NSMCE2: variants seen among roughly 807,000 people sequenced by gnomAD.
NSMCE2 encodes the protein E3 SUMO-protein ligase NSE2.
NSMCE2 carries 24 observed loss-of-function variants against 23.8 expected under a neutral mutation model. The observed-to-expected ratio is 1.01, with a 90% CI of 0.73 to 1.42. The LOEUF (loss-of-function observed/expected upper bound fraction) is 1.42, where lower values mean the gene tolerates loss of function less well. NSMCE2 is among the 40% of genes most tolerant of loss of function. The probability of loss-of-function intolerance (pLI) is 0.00; values close to 1 mark genes in which losing one functional copy is unlikely to be tolerated. For synonymous variants in NSMCE2, 92 were observed against 94.1 expected (o/e 0.98, Z 0.13); for missense variants, 284 against 296.5 (o/e 0.96, Z 0.31).
At chr8:125,311,869 G>A (rs558954269) in intron 5 of NSMCE2, among the ~76,000 whole-genome samples, 12 of 152,060 alleles carry the variant, frequency 7.9e-5, no homozygotes, top group Non-Finnish European at 1.2e-4. Context: ...ACCTGAGGTT[G>A]AGAGTTCGAG....
At chr8:125,150,197 G>A (rs1820918976) in intron 3 of NSMCE2, among the ~76,000 whole-genome samples, 1 of 152,082 alleles carries the variant, frequency 6.6e-6, no homozygotes, top group African/African-American at 2.4e-5. Context: ...CAGGCAGCAG[G>A]GAGAGATTAC....
intron 4 of NSMCE2, among the ~76,000 whole-genome samples, chr8:125,178,623 C>T (rs907284189): frequency 2.6e-5 from 4 of 152,170 alleles, no homozygotes; most frequent in African/African-American, 9.7e-5. Flanking sequence ...GTAATCCCAG[C>T]ACTTTGGGAG....
rs529237211 is a variant in NSMCE2 at position 125,118,544 on chromosome 8, A to G, written c.157+16057A>G. Among the ~76,000 whole-genome samples, 6 of 152,306 alleles carry G rather than the reference A, an allele frequency of 3.9e-5. No individual in the cohort carries two copies. In the South Asian group the frequency reaches 1.2e-3, roughly 32 times the overall value. The stretch of plus-strand genomic sequence containing the variant: ...AGTCAGTATTTCCCATTTGGTAGGA[A>G]ATACCACTAGGTGGCACCAGAACAC... On this transcript the variant is annotated intron_variant, in intron 3 of 7. Coordinates refer to ENST00000287437, the MANE Select transcript of NSMCE2 (RefSeq NM_173685.4).
At chr8:125,327,784 C>A (rs575216574) in intron 5 of NSMCE2, among the ~76,000 whole-genome samples, 1 of 151,820 alleles carries the variant, frequency 6.6e-6, no homozygotes, top group East Asian at 1.9e-4. Flanking sequence ...TATATGTATA[C>A]AATTGTTTTA....
At chr8:125,321,998 A>G (rs1829477043) in intron 5 of NSMCE2, among the ~76,000 whole-genome samples, 1 of 152,138 alleles carries the variant, frequency 6.6e-6, no homozygotes, top group Non-Finnish European at 1.5e-5. Flanking sequence ...TTTTCTTTTA[A>G]GTGTTCGTTC....
intron 5 of NSMCE2, among the ~76,000 whole-genome samples, chr8:125,330,187 T>TTC (rs1829822495): frequency 6.7e-6 from 1 of 148,710 alleles, no homozygotes; most frequent in African/African-American, 2.5e-5. Context: ...CTTTCTTTTT[T>TTC]TTTTTTTTTG....
At chr8:125,306,794 TCCA>T (rs963126662) in intron 5 of NSMCE2, among the ~76,000 whole-genome samples, 2 of 152,190 alleles carry the variant, frequency 1.3e-5, no homozygotes, top group African/African-American at 4.8e-5. Flanking sequence ...GAATTCTTGT[TCCA>T]CCAATTGCTA....
At chr8:125,290,755 C>T (rs1828076260) in intron 5 of NSMCE2, among the ~76,000 whole-genome samples, 1 of 152,186 alleles carries the variant, frequency 6.6e-6, no homozygotes, top group Admixed American at 6.5e-5. Context: ...AGACAGTTCT[C>T]AGACAGGATG....
At chr8:125,287,425 A>G (rs547645350) in intron 5 of NSMCE2, among the ~76,000 whole-genome samples, 133 of 152,298 alleles carry the variant, frequency 8.7e-4, no homozygotes, top group Middle Eastern at 3.4e-3. Context: ...GCCTGCTGCT[A>G]CTGTTCCTTT....
chr8:125,282,303 G>A (rs761168834), intron 5 of NSMCE2, among the ~76,000 whole-genome samples: 4 of 151,980 alleles, frequency 2.6e-5, no homozygotes, highest in African/African-American at 7.3e-5. Flanking sequence ...TAGTAGAGCC[G>A]GGGTTTCACC....
chr8:125,197,205 G>C (rs1823663815), intron 5 of NSMCE2, among the ~76,000 whole-genome samples: 1 of 152,150 alleles, frequency 6.6e-6, no homozygotes, highest in African/African-American at 2.4e-5. Context: ...AGTTTAATTA[G>C]ATCCCATTTG....
At chr8:125,321,852 T>C (rs1829471569) in intron 5 of NSMCE2, among the ~76,000 whole-genome samples, 1 of 152,184 alleles carries the variant, frequency 6.6e-6, no homozygotes, top group African/African-American at 2.4e-5. Flanking sequence ...TTGTTGTTGT[T>C]GTTTTTGTTA....
chr8:125,149,466 G>A (rs1196571683), intron 3 of NSMCE2, among the ~76,000 whole-genome samples: 3 of 152,106 alleles, frequency 2.0e-5, no homozygotes, highest in African/African-American at 7.2e-5. Flanking sequence ...GAGAGTCTTT[G>A]AGTAGGTTCA....
intron 5 of NSMCE2, among the ~76,000 whole-genome samples, chr8:125,316,719 TTTC>T (rs1829212150): frequency 1.3e-5 from 1 of 76,384 alleles, no homozygotes; most frequent in Non-Finnish European, 2.6e-5. Flanking sequence ...TCTTTCCTTC[TTTC>T]TTTCCTTCTT....
chr8:125,178,442 T>G (rs1822599892), intron 4 of NSMCE2, among the ~76,000 whole-genome samples: 2 of 152,364 alleles, frequency 1.3e-5, no homozygotes, highest in Non-Finnish European at 2.9e-5. Flanking sequence ...TCTCAGTAAC[T>G]TCTCTCATTT....
chr8:125,364,142 C>T (rs1813686301), intron 7 of NSMCE2, among the ~76,000 whole-genome samples: 2 of 152,088 alleles, frequency 1.3e-5, no homozygotes, highest in African/African-American at 4.8e-5. Context: ...TAGGGTTTCG[C>T]CATGTTGGCC....
intron 4 of NSMCE2, among the ~76,000 whole-genome samples, chr8:125,168,925 A>G (rs1822033454): frequency 6.6e-6 from 1 of 152,232 alleles, no homozygotes; most frequent in Non-Finnish European, 1.5e-5. Flanking sequence ...ATTACCATGT[A>G]TTCTCAACCA....
rs1821687343 is a variant in NSMCE2 at position 125,162,679 on chromosome 8, T to C, written c.264+11402T>C. The stretch of plus-strand genomic sequence containing the variant: ...GTAAGAGTGCTATATAAGGGCAAGG[T>C]CTTACTGTTCTGTCCTGTTAACTTT... On this transcript the variant is annotated intron_variant, in intron 4 of 7. Coordinates refer to ENST00000287437, the MANE Select transcript of NSMCE2 (RefSeq NM_173685.4). 3.9e-5 allele frequency among the ~76,000 whole-genome samples: 6 copies of C among 152,222 alleles called. No individual in the cohort carries two copies. The South Asian group carries it at 1.2e-3, about 32-fold the overall frequency.
chr8:125,178,686 C>G (rs971800893), intron 4 of NSMCE2, among the ~76,000 whole-genome samples: 3 of 151,964 alleles, frequency 2.0e-5, no homozygotes, highest in African/African-American at 7.3e-5. Flanking sequence ...CTGGCTAACA[C>G]GGTGAAACCC....
Sources: gnomAD v4.1 joint callset for allele counts (sites outside exome capture counted in the v4.1 genomes callset) on GRCh38, gnomAD v4.1.1 for gene constraint, MANE v1.5 for transcripts, NCBI Gene and HGNC (gene_info 2026-07-23, HGNC 2026-07-21) for gene names.